SPOCK1: variants seen among roughly 807,000 people sequenced by gnomAD.
SPOCK1 encodes the protein SPARC (osteonectin), cwcv and kazal like domains proteoglycan 1.
A neutral mutation model predicts 55.3 loss-of-function variants in SPOCK1; 23 were observed. The observed-to-expected ratio is 0.42, with a 90% confidence interval of 0.30 to 0.59. SPOCK1 has a LOEUF of 0.59. Ranked by LOEUF, SPOCK1 falls within the 20% of genes least tolerant of loss-of-function variation. The pLI is 0.22. For synonymous variants in SPOCK1, 226 were observed against 221.0 expected (o/e 1.02, Z -0.20); for missense variants, 499 against 552.5 (o/e 0.90, Z 0.97).
At chr5:137,240,313 T>C (rs1248825817) in intron 3 of SPOCK1, among the ~76,000 whole-genome samples, 1 of 152,230 alleles carries the variant, frequency 6.6e-6, no homozygotes, top group Admixed American at 6.5e-5. Flanking sequence ...CACAGTGGCA[T>C]CTGCTTCTGG....
chr5:137,168,864 G>A (rs79960665), intron 3 of SPOCK1, among the ~76,000 whole-genome samples: 1,923 of 152,204 alleles, frequency 0.013, 43 homozygotes, highest in African/African-American at 0.044. Flanking sequence ...ATATAAAGGA[G>A]GAAATCAGTT....
intron 2 of SPOCK1, among the ~76,000 whole-genome samples, chr5:137,373,445 C>T (rs1751245060): frequency 6.6e-6 from 1 of 152,196 alleles, no homozygotes; most frequent in African/African-American, 2.4e-5. Flanking sequence ...TCACCTCCTG[C>T]CCCACCAATT....
intron 7 of SPOCK1, among the ~76,000 whole-genome samples, chr5:136,991,656 A>G (rs1455475495): frequency 1.3e-5 from 2 of 152,216 alleles, no homozygotes; most frequent in African/African-American, 4.8e-5. Flanking sequence ...CTACATAGAG[A>G]AGGCTGTGGC....
chr5:137,344,303 T>C (rs748676096), intron 2 of SPOCK1, among the ~76,000 whole-genome samples: 48 of 152,188 alleles, frequency 3.2e-4, no homozygotes, highest in Non-Finnish European at 4.3e-4. Flanking sequence ...TATTTAAAAA[T>C]CAAAACAAAG....
chr5:137,464,377 T>C (rs1234009934), intron 2 of SPOCK1, among the ~76,000 whole-genome samples: 1 of 152,070 alleles, frequency 6.6e-6, no homozygotes, highest in African/African-American at 2.4e-5. Flanking sequence ...TGATTAAACA[T>C]TGCATTCCTG....
Position 137,379,720 on chromosome 5 carries a change from T to C in SPOCK1, c.187-112665A>G, listed in dbSNP as rs139747124. 3.8e-3 allele frequency among the ~76,000 whole-genome samples: 577 copies of C among 152,274 alleles called. 7 individuals are homozygous for C. Among genetic ancestry groups the C allele is most frequent in the African/African-American group, 0.013 (542 of 41,538 alleles). The stretch of plus-strand genomic sequence containing the variant: ...ATCAGCATCTGACTTGAATGTGAGA[T>C]TTTGCTCTGATGAGCCAAGACATGC... On this transcript the variant is annotated intron_variant, in intron 2 of 10. Transcript: ENST00000394945.
Position 137,456,724 on chromosome 5 carries a change from T to C in SPOCK1, c.186+41649A>G, listed in dbSNP as rs79139695. Among the ~76,000 whole-genome samples, 1,519 of 152,320 alleles carry C rather than the reference T, an allele frequency of 1.0e-2. 26 individuals carry two copies. Among genetic ancestry groups the C allele is most frequent in the African/African-American group, 0.035 (1,439 of 41,570 alleles). On this transcript the variant is annotated intron_variant, in intron 2 of 10. Transcript: ENST00000394945. ...CCATAACCAGTAAAATGATTGTCTA[T>C]AGGGACTATGACAGAAGTCTGTAAT...
chr5:137,305,163 C>T (rs1031214808), intron 2 of SPOCK1, among the ~76,000 whole-genome samples: 1 of 152,232 alleles, frequency 6.6e-6, no homozygotes, highest in South Asian at 2.1e-4. Context: ...TGTCTTTACA[C>T]TGTTAGTAAA....
At chr5:137,094,556 T>G (rs756950303) in intron 5 of SPOCK1, among the ~76,000 whole-genome samples, 4 of 152,216 alleles carry the variant, frequency 2.6e-5, no homozygotes, top group Non-Finnish European at 5.9e-5. Flanking sequence ...GTACATGCCT[T>G]GATTTAAAAA....
At chr5:137,296,496 A>C (rs769443125) in intron 2 of SPOCK1, among the ~76,000 whole-genome samples, 13 of 152,170 alleles carry the variant, frequency 8.5e-5, no homozygotes, top group African/African-American at 1.2e-4. Flanking sequence ...CTGAACGCGA[A>C]CTAAAGGAGC....
At chr5:137,196,226 C>T (rs1408111275) in intron 3 of SPOCK1, among the ~76,000 whole-genome samples, 1 of 152,090 alleles carries the variant, frequency 6.6e-6, no homozygotes, top group Non-Finnish European at 1.5e-5. Context: ...GACTAATGTA[C>T]AGCAACAGTC....
intron 2 of SPOCK1, among the ~76,000 whole-genome samples, chr5:137,310,066 A>T (rs1292168134): frequency 3.3e-5 from 5 of 152,158 alleles, no homozygotes; most frequent in African/African-American, 1.2e-4. Context: ...TCAAGCCAGG[A>T]TCCTGTGATT....
At chr5:137,207,105 C>T (rs1755532553) in intron 3 of SPOCK1, among the ~76,000 whole-genome samples, 1 of 152,248 alleles carries the variant, frequency 6.6e-6, no homozygotes, top group Admixed American at 6.5e-5. Context: ...ATTTTCCCAG[C>T]TCCAGTCTCA....
intron 3 of SPOCK1, among the ~76,000 whole-genome samples, chr5:137,160,457 G>T (rs1165377952): frequency 9.0e-6 from 1 of 111,296 alleles, no homozygotes. Flanking sequence ...ATATATATGG[G>T]ACATAGAACA....
chr5:137,098,399 G>T (rs1753194803), intron 5 of SPOCK1, among the ~76,000 whole-genome samples: 1 of 152,128 alleles, frequency 6.6e-6, no homozygotes, highest in South Asian at 2.1e-4. Flanking sequence ...TCAGAACCAG[G>T]CAGCAACCTG....
intron 5 of SPOCK1, among the ~76,000 whole-genome samples, chr5:137,092,744 G>T (rs1349460880): frequency 6.6e-6 from 1 of 152,210 alleles, no homozygotes; most frequent in Non-Finnish European, 1.5e-5. Context: ...TGAGCACAGT[G>T]CCTCTTTCCA....
At chr5:137,269,336 G>A (rs1199180145) in intron 2 of SPOCK1, among the ~76,000 whole-genome samples, 1 of 152,202 alleles carries the variant, frequency 6.6e-6, no homozygotes, top group African/African-American at 2.4e-5. Context: ...CCTGCCTCAG[G>A]AAAGTGGACT....
In SPOCK1 at chr5:136,990,385, C is replaced by G. The variant is rs75436262; in HGVS notation, c.707-1742G>C. The stretch of plus-strand genomic sequence containing the variant: ...CTGAGGGAAAAGACTGTCTTGTCCC[C>G]TTCAGCAGCCTCAGGCATGACAGGA... On this transcript the variant is annotated intron_variant, in intron 7 of 10. Transcript: ENST00000394945. Among the ~76,000 whole-genome samples, 1,287 of 151,684 alleles carry G rather than the reference C, an allele frequency of 8.5e-3. 18 individuals carry two copies. Among genetic ancestry groups the G allele is most frequent in the African/African-American group, 0.03 (1,235 of 41,264 alleles).
At chr5:137,072,202 A>G (rs1297305485) in intron 5 of SPOCK1, among the ~76,000 whole-genome samples, 1 of 152,220 alleles carries the variant, frequency 6.6e-6, no homozygotes, top group African/African-American at 2.4e-5. Context: ...GAAAAGAGGA[A>G]ATATTAAAAA....
Sources: allele counts gnomAD v4.1 joint callset (sites outside exome capture counted in the v4.1 genomes callset), GRCh38; gene constraint gnomAD v4.1.1; transcripts MANE v1.5; gene names NCBI Gene and HGNC (gene_info 2026-07-23, HGNC 2026-07-21).